PACS1: variants seen among roughly 807,000 people sequenced by gnomAD.
The protein encoded by PACS1 is PACS-1.
PACS1 carries 24 observed loss-of-function variants against 115.0 expected under a neutral mutation model. The ratio of observed to expected loss-of-function variants is 0.21; its 90% CI spans 0.15 to 0.29. The LOEUF (loss-of-function observed/expected upper bound fraction) is 0.29. Ranked by LOEUF, PACS1 falls within the 10% of genes least tolerant of loss-of-function variation. The pLI, the probability that PACS1 is intolerant of heterozygous loss-of-function variation, is 1.00. For synonymous variants in PACS1, 453 were observed against 504.5 expected, an observed-to-expected ratio of 0.90 and a Z score of 1.37; for missense variants, 838 against 1,251.2, an observed-to-expected ratio of 0.67 and a Z score of 4.98.
intron 1 of PACS1, among the ~76,000 whole-genome samples, chr11:66,146,888 T>G (rs1052678106): frequency 6.6e-6 from 1 of 152,094 alleles, no homozygotes; most frequent in Non-Finnish European, 1.5e-5. Flanking sequence ...AACCCCCGTC[T>G]CTACTAAAAA....
At chr11:66,234,363 T>A in intron 17 of PACS1, 121 bp downstream of exon 17, 1 of 726,856 alleles carries the variant, frequency 1.4e-6, no homozygotes, top group Non-Finnish European at 2.5e-6. Flanking sequence ...TCCCGGTCAC[T>A]CTGTCCATTC....
intron 16 of PACS1, 48 bp from the exon 17 acceptor site, chr11:66,234,084 T>C (rs1312109277): frequency 6.5e-7 from 1 of 1,531,634 alleles, no homozygotes; most frequent in Non-Finnish European, 9.1e-7. Flanking sequence ...GCTCCCACAC[T>C]GTCTCATCTC....
chr11:66,120,479 T>G (rs1032647310), intron 1 of PACS1, among the ~76,000 whole-genome samples: 4 of 152,226 alleles, frequency 2.6e-5, no homozygotes, highest in African/African-American at 9.7e-5. Flanking sequence ...GAAAGAGATA[T>G]GACGTTCCTT....
chr11:66,093,055 A>T (rs1424760356), intron 1 of PACS1, among the ~76,000 whole-genome samples: 1 of 152,026 alleles, frequency 6.6e-6, no homozygotes, highest in Non-Finnish European at 1.5e-5. Flanking sequence ...CTGTGAAGAA[A>T]GTCATTGGTA....
intron 1 of PACS1, among the ~76,000 whole-genome samples, chr11:66,156,219 T>C (rs971553225): frequency 1.2e-4 from 1 of 8,080 alleles, no homozygotes; most frequent in East Asian, 2.9e-3. Context: ...TATATATATA[T>C]ATATATATAT....
At chr11:66,074,929 T>A (rs1010576046) in intron 1 of PACS1, among the ~76,000 whole-genome samples, 1 of 140,396 alleles carries the variant, frequency 7.1e-6, no homozygotes. Context: ...ATTTTATTAA[T>A]TTTTTTTTGG....
At chr11:66,088,130 T>C (rs1252166819) in intron 1 of PACS1, among the ~76,000 whole-genome samples, 1 of 152,046 alleles carries the variant, frequency 6.6e-6, no homozygotes, top group African/African-American at 2.4e-5. Context: ...CTCAAAAATA[T>C]CTTCTCATAC....
chr11:66,106,807 C>T (rs1858054159), intron 1 of PACS1, among the ~76,000 whole-genome samples: 1 of 151,982 alleles, frequency 6.6e-6, no homozygotes, highest in Admixed American at 6.5e-5. Context: ...TTAGTTTCTC[C>T]ACATGCAAAA....
intron 2 of PACS1, 89 bp from the exon 3 acceptor site, chr11:66,210,273 C>A: frequency 1.1e-6 from 1 of 933,168 alleles, no homozygotes; most frequent in South Asian, 1.3e-5. Context: ...TGAGTCCAAG[C>A]AGTCCTTCTG....
intron 1 of PACS1, among the ~76,000 whole-genome samples, chr11:66,082,576 A>C (rs1054424926): frequency 6.6e-6 from 1 of 152,188 alleles, no homozygotes; most frequent in African/African-American, 2.4e-5. Flanking sequence ...ATGTTTGCGC[A>C]TCAGGCCGGG....
intron 1 of PACS1, among the ~76,000 whole-genome samples, chr11:66,109,098 C>T (rs1033773697): frequency 1.3e-5 from 2 of 152,202 alleles, no homozygotes; most frequent in African/African-American, 2.4e-5. Flanking sequence ...CTATGGCCTT[C>T]GTTCACTTTT....
At chr11:66,093,717 C>G (rs1218707728) in intron 1 of PACS1, among the ~76,000 whole-genome samples, 3 of 150,346 alleles carry the variant, frequency 2.0e-5, no homozygotes, top group African/African-American at 7.3e-5. Flanking sequence ...CTACAGAACT[C>G]TCCACCCCAA....
chr11:66,152,370 C>G (rs886686877), intron 1 of PACS1, among the ~76,000 whole-genome samples: 1 of 152,112 alleles, frequency 6.6e-6, no homozygotes, highest in Non-Finnish European at 1.5e-5. Context: ...TGAGTAGAGC[C>G]TCAGAGACTT....
intron 1 of PACS1, among the ~76,000 whole-genome samples, chr11:66,103,307 A>C (rs1158316852): frequency 6.6e-6 from 1 of 152,104 alleles, no homozygotes; most frequent in South Asian, 2.1e-4. Context: ...TGTAAAGTAC[A>C]TGGAGAAAGC....
intron 4 of PACS1, among the ~76,000 whole-genome samples, chr11:66,214,340 C>T (rs2134706250): frequency 6.6e-6 from 1 of 152,260 alleles, no homozygotes; most frequent in South Asian, 2.1e-4. Flanking sequence ...CAGGCTCTGC[C>T]ATTCCCTGTA....
intron 1 of PACS1, among the ~76,000 whole-genome samples, chr11:66,146,191 G>A (rs2134601487): frequency 6.6e-6 from 1 of 152,252 alleles, no homozygotes; most frequent in South Asian, 2.1e-4. Context: ...AAGATAATCA[G>A]TCAATAGAAA....
At chr11:66,075,629 T>C (rs1360557136) in intron 1 of PACS1, among the ~76,000 whole-genome samples, 1 of 152,104 alleles carries the variant, frequency 6.6e-6, no homozygotes, top group African/African-American at 2.4e-5. Flanking sequence ...ATTGGATCTA[T>C]AGAAGCATGG....
chr11:66,221,820 A>G (rs7107415), intron 10 of PACS1, among the ~76,000 whole-genome samples: 8 of 152,002 alleles, frequency 5.3e-5, no homozygotes, highest in South Asian at 2.1e-4. Context: ...CAGAATACAT[A>G]CAATCTCCCC....
At chr11:66,180,464 C>G (rs1159111994) in intron 1 of PACS1, among the ~76,000 whole-genome samples, 3 of 152,006 alleles carry the variant, frequency 2.0e-5, no homozygotes, top group Non-Finnish European at 4.4e-5. Context: ...AAGCAATTCT[C>G]CTGCCTCAGC....
Sources: allele counts gnomAD v4.1 joint callset (sites outside exome capture counted in the v4.1 genomes callset), GRCh38; gene constraint gnomAD v4.1.1; transcripts MANE v1.5; gene names NCBI Gene and HGNC (gene_info 2026-07-23, HGNC 2026-07-21).